The following DHRS7 variants were observed in gnomAD, a reference collection of about 807,000 sequenced individuals.
DHRS7 encodes dehydrogenase/reductase 7.
Under a neutral mutation model 38.9 loss-of-function variants are expected in DHRS7, and 34 were observed. That is an observed-to-expected ratio of 0.87 (90% confidence interval 0.66 to 1.16). DHRS7 has a LOEUF of 1.16. Ranked by LOEUF, DHRS7 falls within the 50% of genes most tolerant of loss-of-function variation. DHRS7 has a pLI of 0.00. For missense variants in DHRS7, 421 were observed against 407.0 expected (o/e 1.03, Z -0.30); for synonymous variants, 158 against 153.1 (o/e 1.03, Z -0.24).
In DHRS7 at chr14:60,149,013, C is replaced by G. The variant is rs140680902; in HGVS notation, c.972+340G>C. Reference sequence around the variant, plus strand: ...TTTGAAATAGAGTCTCGCTCTATCACCCGGGCTGGAGTGCAGTGGCACCAT... The same window carrying G: ...TTTGAAATAGAGTCTCGCTCTATCAGCCGGGCTGGAGTGCAGTGGCACCAT... On this transcript the variant is annotated intron_variant, in intron 6 of 6. Transcript: ENST00000557185. The G allele has an allele frequency of 4.2e-3, 995 of 237,478 alleles. 12 individuals carry two copies. The highest frequency in any genetic ancestry group is 0.021 in the African/African-American group (912 of 43,718). The allele number at this position is 237,478 out of a possible 1,614,324, so 14.7% of individuals were successfully genotyped here.
upstream of DHRS7, among the ~76,000 whole-genome samples, chr14:60,167,703 A>G (rs1055338111): frequency 1.3e-5 from 2 of 152,242 alleles, no homozygotes; most frequent in Non-Finnish European, 2.9e-5. Flanking sequence ...GTGAGTGGAA[A>G]CAGGGACTGA....
At chr14:60,159,690 G>A (rs1033075511) in intron 1 of DHRS7, among the ~76,000 whole-genome samples, 3 of 152,124 alleles carry the variant, frequency 2.0e-5, no homozygotes, top group African/African-American at 7.2e-5. Context: ...ACCCCAATCA[G>A]GTACTGACTG....
chr14:60,167,214 A>G (rs1896879333), upstream of DHRS7, among the ~76,000 whole-genome samples: 2 of 152,262 alleles, frequency 1.3e-5, no homozygotes, highest in Admixed American at 6.5e-5. Context: ...TGCCTGTATC[A>G]AAGTATCTCA....
At chr14:60,150,578 G>A (rs1443460720) in intron 4 of DHRS7, among the ~76,000 whole-genome samples, 1 of 151,170 alleles carries the variant, frequency 6.6e-6, no homozygotes, top group East Asian at 1.9e-4. Flanking sequence ...TTGGTTTTTT[G>A]TCCTTGCAAT....
At position 60,148,267 on chromosome 14, in the gene DHRS7, G is replaced by A. The variant is rs754455984; in HGVS notation, c.972+1086C>T. The A allele has an allele frequency of 7.2e-5, 11 of 152,132 alleles. No individual in the cohort carries two copies. The highest frequency in any genetic ancestry group is 1.5e-4 in the Non-Finnish European group (10 of 68,010). The allele number at this position is 152,132 out of a possible 1,614,324, so 9.4% of individuals were successfully genotyped here. A position where few individuals can be genotyped will look rare whatever the true frequency, so the allele number is the denominator to read the frequency against. On this transcript the variant is annotated intron_variant, in intron 6 of 6. Transcript: ENST00000557185. The surrounding 1 kb of genome is among the most constrained non-coding windows in gnomAD (Gnocchi z 4.8). Reference sequence around the variant, plus strand: ...TTGCAGGTATATATAGTATGATCTTGTTTTATAATTCTTTTTTTATCTGTC... The same window carrying A: ...TTGCAGGTATATATAGTATGATCTTATTTTATAATTCTTTTTTTATCTGTC...
At chr14:60,154,724 A>G (rs1200016622) in intron 2 of DHRS7, among the ~76,000 whole-genome samples, 1 of 152,230 alleles carries the variant, frequency 6.6e-6, no homozygotes, top group Non-Finnish European at 1.5e-5. Flanking sequence ...TCATGGGCAA[A>G]AGAGTTAAGC....
Position 60,148,387 on chromosome 14 carries a change from AATC to A in DHRS7, c.972+963_972+965del, listed in dbSNP as rs1940869628. Among the ~76,000 whole-genome samples, 1 of 152,190 alleles carries A rather than the reference AATC, an allele frequency of 6.6e-6. No individual in the cohort carries two copies. Among genetic ancestry groups the A allele is most frequent in the Non-Finnish European group, 1.5e-5 (1 of 68,040 alleles). ...CCTCAGCAATAATCTTTTGCTGCAT[AATC>A]ATCTATAATTTTTGGTTTACTTCAT... On this transcript the variant is annotated intron_variant, in intron 6 of 6. Coordinates refer to ENST00000557185, the MANE Select transcript of DHRS7 (RefSeq NM_016029.4). This position sits in a 1 kb window ranked among gnomAD's most constrained non-coding sequence, Gnocchi z 4.8.
upstream of DHRS7, chr14:60,168,640 TA>T: frequency 6.6e-7 from 1 of 1,504,926 alleles, no homozygotes; most frequent in Non-Finnish European, 8.8e-7. Context: ...CTTAAAATTC[TA>T]AAACTGATCA....
At chr14:60,149,924 A>G (rs1379838057) in intron 5 of DHRS7, 141 bp downstream of exon 5, 4 of 843,654 alleles carry the variant, frequency 4.7e-6, no homozygotes, top group Non-Finnish European at 7.2e-6. Flanking sequence ...AACAATTTTC[A>G]TAATGGCAGG....
chr14:60,166,209 T>C (rs941863686), upstream of DHRS7: 206 of 984,790 alleles, frequency 2.1e-4, no homozygotes, highest in Non-Finnish European at 2.4e-4. Context: ...CTACATGTAT[T>C]TGAGGCATCA....
At chr14:60,156,947 T>C (rs111938523) in intron 1 of DHRS7, among the ~76,000 whole-genome samples, 3 of 152,216 alleles carry the variant, frequency 2.0e-5, no homozygotes, top group Admixed American at 1.3e-4. Flanking sequence ...AATGAAAAAC[T>C]TATTAGCACT....
intron 1 of DHRS7, among the ~76,000 whole-genome samples, chr14:60,160,208 C>T (rs2140609813): frequency 6.6e-6 from 1 of 152,128 alleles, no homozygotes; most frequent in Admixed American, 6.5e-5. Context: ...TGCCTGTAAT[C>T]CCAGCTACTT....
At position 60,152,918 on chromosome 14, in the gene DHRS7, G is replaced by A. The variant is rs777318253; in HGVS notation, c.633+21C>T. 7 of 1,613,566 alleles carry A rather than the reference G, an allele frequency of 4.3e-6. No individual in the cohort carries two copies. In the South Asian group the frequency reaches 7.7e-5, roughly 18 times the overall value. ...ACACATTTAAGTCAGTTCTATCAGA[G>A]TTGAGTTTGAGCAGCCTTACCCGGA... On this transcript the variant is annotated intron_variant, in intron 4 of 6. Transcript: ENST00000557185.
At chr14:60,159,544 T>C (rs1485031656) in intron 1 of DHRS7, among the ~76,000 whole-genome samples, 1 of 152,250 alleles carries the variant, frequency 6.6e-6, no homozygotes, top group Non-Finnish European at 1.5e-5. Context: ...GGAAACTTAA[T>C]TTAGAATAGC....
chr14:60,155,850 T>C (rs1478319201), intron 2 of DHRS7, 150 bp downstream of exon 2: 1 of 775,602 alleles, frequency 1.3e-6, no homozygotes, highest in Middle Eastern at 4.2e-4. Context: ...GGCAGCCAAT[T>C]AAGGCAAAAA....
rs1278968889 is a variant in DHRS7 at position 60,146,525 on chromosome 14, ACTT to A, written c.973-1515_973-1513del. The A allele has an allele frequency of 6.6e-6, 1 of 152,246 alleles. No individual in the cohort carries two copies. Among genetic ancestry groups the A allele is most frequent in the African/African-American group, 2.4e-5 (1 of 41,456 alleles). 9.4% of individuals were successfully genotyped at this position (152,246 alleles called of 1,614,324 possible). ...AATTACCATCTGATCCAGCAATTCC[ACTT>A]AAGGGTATAAATCTAAAGGAAGTGA... is the stretch of plus-strand genomic sequence containing the variant. On this transcript the variant is annotated intron_variant, in intron 6 of 6. Transcript: ENST00000557185. The surrounding 1 kb of genome is among the most constrained non-coding windows in gnomAD (Gnocchi z 4.9).
At position 60,148,681 on chromosome 14, in the gene DHRS7, A is replaced by T. The variant is rs1896465398; in HGVS notation, c.972+672T>A. 2.6e-5 allele frequency among the ~76,000 whole-genome samples: 4 copies of T among 152,090 alleles called. No individual in the cohort carries two copies. Among genetic ancestry groups the T allele is most frequent in the Admixed American group, 2.6e-4 (4 of 15,260 alleles). ...GGCTGAGGTGCACTTGGTCCTGGGGAGAAGTGGGAGGGAAGGCCAGGTACC... is the reference window on the plus strand; with the variant it reads ...GGCTGAGGTGCACTTGGTCCTGGGGTGAAGTGGGAGGGAAGGCCAGGTACC... On this transcript the variant is annotated intron_variant, in intron 6 of 6. Transcript: ENST00000557185. The surrounding 1 kb of genome is among the most constrained non-coding windows in gnomAD (Gnocchi z 4.8).
At position 60,148,381 on chromosome 14, in the gene DHRS7, C is replaced by T. The variant is rs1028213690; in HGVS notation, c.972+972G>A. 4.6e-5 allele frequency among the ~76,000 whole-genome samples: 7 copies of T among 152,136 alleles called. No individual in the cohort carries two copies. Among genetic ancestry groups the T allele is most frequent in the Non-Finnish European group, 8.8e-5 (6 of 68,028 alleles). On this transcript the variant is annotated intron_variant, in intron 6 of 6. Coordinates refer to ENST00000557185, the MANE Select transcript of DHRS7 (RefSeq NM_016029.4). The surrounding 1 kb of genome is among the most constrained non-coding windows in gnomAD (Gnocchi z 4.8). ...AACCATCCTCAGCAATAATCTTTTGCTGCATAATCATCTATAATTTTTGGT... is the reference window on the plus strand; with the variant it reads ...AACCATCCTCAGCAATAATCTTTTGTTGCATAATCATCTATAATTTTTGGT...
upstream of DHRS7, chr14:60,168,660 T>G: frequency 1.3e-6 from 2 of 1,533,600 alleles, no homozygotes; most frequent in Non-Finnish European, 1.8e-6. Flanking sequence ...CAATGCTTTT[T>G]CCTCTCCTTC....
Sources: allele counts gnomAD v4.1 joint callset (sites outside exome capture counted in the v4.1 genomes callset), GRCh38; gene constraint gnomAD v4.1.1; non-coding constraint Gnocchi (gnomAD v3.1); transcripts MANE v1.5; gene names NCBI Gene and HGNC (gene_info 2026-07-23, HGNC 2026-07-21).